Variants in CYS1 observed in about 807,000 individuals in gnomAD.
The protein encoded by CYS1 is cystin 1.
CYS1 carries 5 observed loss-of-function variants against 9.6 expected under a neutral mutation model. That is an observed-to-expected ratio of 0.52 (90% CI 0.27 to 1.10). The LOEUF (loss-of-function observed/expected upper bound fraction) is 1.10. CYS1 is among the 50% of genes least tolerant of loss of function. The pLI is 0.11. For synonymous variants in CYS1, 88 were observed against 95.7 expected (o/e 0.92, Z 0.47); for missense variants, 221 against 207.9 (o/e 1.06, Z -0.39).
At chr2:10,075,380 A>T (rs1049822062) in intron 1 of CYS1, among the ~76,000 whole-genome samples, 1 of 152,188 alleles carries the variant, frequency 6.6e-6, no homozygotes, top group Non-Finnish European at 1.5e-5. Flanking sequence ...CACGGTTATG[A>T]GCTTTTTGGG....
intron 2 of CYS1, among the ~76,000 whole-genome samples, chr2:10,065,517 A>C (rs1312276821): frequency 6.6e-6 from 1 of 152,222 alleles, no homozygotes; most frequent in East Asian, 1.9e-4. Flanking sequence ...GTGGAGCTGC[A>C]GGTGGGCCCG....
intron 2 of CYS1, among the ~76,000 whole-genome samples, chr2:10,062,007 G>A (rs1229391076): frequency 2.0e-5 from 3 of 151,760 alleles, no homozygotes; most frequent in African/African-American, 7.3e-5. Flanking sequence ...GACTCCTAAA[G>A]TCATGCTTTT....
rs1661580310 is a variant in CYS1 at position 10,058,451 on chromosome 2, A to G, written c.*402T>C. ...AGCGCGGGTGCACCTTCCACAGCAG[A>G]ACCTTCCGGAAGTGTTGTGGCGCGG... is the stretch of plus-strand genomic sequence containing the variant. On this transcript the variant is annotated 3_prime_UTR_variant, in exon 3 of 3. Transcript: ENST00000381813. 1.2e-5 allele frequency: 2 copies of G among 172,862 alleles called. No homozygotes were observed. The highest frequency in any genetic ancestry group is 1.2e-4 in the Admixed American group (2 of 16,852). 10.7% of individuals were successfully genotyped at this position (172,862 alleles called of 1,614,324 possible). A position where few individuals can be genotyped will look rare whatever the true frequency, so the allele number is the denominator to read the frequency against.
At chr2:10,059,417 C>T (rs763707697) in intron 2 of CYS1, among the ~76,000 whole-genome samples, 14 of 152,252 alleles carry the variant, frequency 9.2e-5, no homozygotes, top group Non-Finnish European at 1.9e-4. Flanking sequence ...GGAATCACGG[C>T]CAGGCGCAGT....
intron 1 of CYS1, among the ~76,000 whole-genome samples, chr2:10,068,967 C>T (rs1228493475): frequency 6.6e-6 from 1 of 151,918 alleles, no homozygotes; most frequent in African/African-American, 2.4e-5. Context: ...GAGGCTGAGG[C>T]AGGAGAATTG....
At chr2:10,075,309 A>T (rs1162557143) in intron 1 of CYS1, among the ~76,000 whole-genome samples, 3 of 152,236 alleles carry the variant, frequency 2.0e-5, no homozygotes, top group Non-Finnish European at 4.4e-5. Flanking sequence ...GCACTGGAGC[A>T]TGCCTTTACA....
intron 1 of CYS1, among the ~76,000 whole-genome samples, chr2:10,070,536 G>A (rs1386965642): frequency 2.0e-5 from 3 of 152,024 alleles, no homozygotes; most frequent in Non-Finnish European, 4.4e-5. Flanking sequence ...AGTAGAGGTG[G>A]GGTTTTGCCA....
intron 2 of CYS1, among the ~76,000 whole-genome samples, chr2:10,062,401 C>CTT (rs201124927): frequency 7.4e-5 from 11 of 147,758 alleles, no homozygotes; most frequent in African/African-American, 2.7e-4. Context: ...CTCTTTTTTT[C>CTT]TTTTTTTTTT....
intron 2 of CYS1, among the ~76,000 whole-genome samples, chr2:10,064,773 A>G (rs775942710): frequency 6.6e-6 from 1 of 151,876 alleles, no homozygotes; most frequent in Non-Finnish European, 1.5e-5. Context: ...GCTGGAGTGA[A>G]GTGGCGCGAT....
At chr2:10,069,343 G>GA (rs914795956) in intron 1 of CYS1, among the ~76,000 whole-genome samples, 3 of 151,920 alleles carry the variant, frequency 2.0e-5, no homozygotes, top group African/African-American at 4.8e-5. Flanking sequence ...CTTTCTGGAG[G>GA]AAAAAAAATT....
intron 2 of CYS1, among the ~76,000 whole-genome samples, chr2:10,059,451 C>T (rs550681176): frequency 1.4e-4 from 21 of 152,332 alleles, no homozygotes; most frequent in African/African-American, 5.1e-4. Context: ...AATCCTAGCA[C>T]TTTGGGAGGC....
At position 10,080,151 on chromosome 2, in the gene CYS1, G is replaced by A. The variant is rs1452653556; in HGVS notation, c.73C>T (p.Pro25Ser). 4.8e-6 allele frequency: 5 copies of A among 1,050,260 alleles called. No homozygotes were observed. The highest frequency in any genetic ancestry group is 4.6e-6 in the Non-Finnish European group (4 of 874,442). 65.1% of individuals were successfully genotyped at this position (1,050,260 alleles called of 1,614,324 possible). A position where few individuals can be genotyped will look rare whatever the true frequency, so the allele number is the denominator to read the frequency against. The change falls in exon 1 of 3, where the codon CCC (proline) becomes TCC (serine). Residue 25 changes from proline to serine, a missense_variant. Transcript: ENST00000381813. The surrounding 1 kb of genome is among the most constrained non-coding windows in gnomAD (Gnocchi z 6.4). ...CCGCCCTCCAGGGCTGCCGCTCCGG[G>A]CCCCGCGGGGAGGCTCTCGGGGCTG... ...RRSPESLPAGPGAAALEGGTR... is the reference protein window; with the variant it reads ...RRSPESLPAGSGAAALEGGTR...
chr2:10,080,308 G>T lies in CYS1; in HGVS notation c.-85C>A. On this transcript the variant is annotated 5_prime_UTR_variant, in exon 1 of 3. Transcript: ENST00000381813. The surrounding 1 kb of genome is among the most constrained non-coding windows in gnomAD (Gnocchi z 6.4). ...GCGGGGACGCTAGGGGGTGCGGCCG[G>T]GGCGGGCTGCAGGGGGAGGCGCGGG... 1.1e-6 allele frequency: 1 copy of T among 899,498 alleles called. No homozygotes were observed. Among genetic ancestry groups the T allele is most frequent in the South Asian group, 5.1e-5 (1 of 19,718 alleles). The allele number at this position is 899,498 out of a possible 1,614,324, so 55.7% of individuals were successfully genotyped here. A position where few individuals can be genotyped will look rare whatever the true frequency, so the allele number is the denominator to read the frequency against.
At chr2:10,068,552 G>A (rs1661723965) in intron 1 of CYS1, among the ~76,000 whole-genome samples, 1 of 152,276 alleles carries the variant, frequency 6.6e-6, no homozygotes, top group Admixed American at 6.5e-5. Context: ...CAGGTGATGA[G>A]AATTTAGGCT....
At chr2:10,070,938 C>T (rs1661758765) in intron 1 of CYS1, among the ~76,000 whole-genome samples, 1 of 152,022 alleles carries the variant, frequency 6.6e-6, no homozygotes, top group Non-Finnish European at 1.5e-5. Flanking sequence ...GGTGAGCCAC[C>T]ACGCCCAGCC....
intron 2 of CYS1, among the ~76,000 whole-genome samples, chr2:10,060,114 G>A (rs1041204490): frequency 9.2e-5 from 14 of 152,258 alleles, no homozygotes; most frequent in African/African-American, 2.9e-4. Context: ...ATGCTGCCTC[G>A]GAAGGGGGTG....
At chr2:10,073,454 A>C (rs1412614848) in intron 1 of CYS1, among the ~76,000 whole-genome samples, 3 of 152,206 alleles carry the variant, frequency 2.0e-5, no homozygotes. Context: ...CGATGTAAAT[A>C]AGAAGGTGGG....
Position 10,079,904 on chromosome 2 carries a change from ACCGCGCTCC to A in CYS1, c.311_318+1del. On this transcript the variant is annotated splice_donor_variant and coding_sequence_variant, in exon 1 of 3. Coordinates refer to ENST00000381813, the MANE Select transcript of CYS1 (RefSeq NM_001037160.3). LOFTEE classifies it high-confidence loss of function. The stretch of plus-strand genomic sequence containing the variant: ...CCGAGGCCCTGCGGCTCCCACACTC[ACCGCGCTCC>A]CCGCGACCGCGGTGGGTCGGAGCCG... 1.8e-6 allele frequency: 2 copies of A among 1,106,402 alleles called. No homozygotes were observed. Among genetic ancestry groups the A allele is most frequent in the Non-Finnish European group, 2.2e-6 (2 of 907,734 alleles). The allele number at this position is 1,106,402 out of a possible 1,614,324, so 68.5% of individuals were successfully genotyped here. A position where few individuals can be genotyped will look rare whatever the true frequency, so the allele number is the denominator to read the frequency against.
Position 10,063,087 on chromosome 2 carries a change from G to A in CYS1, c.371+2817C>T, listed in dbSNP as rs1330729636. ...CCTCCCGGGGGAAGGACCTGGCGTT[G>A]TCAGGATGGTCAGGACTGGGGTCAA... On this transcript the variant is annotated intron_variant, in intron 2 of 2. Coordinates refer to ENST00000381813, the MANE Select transcript of CYS1 (RefSeq NM_001037160.3). This position sits in a 1 kb window ranked among gnomAD's most constrained non-coding sequence, Gnocchi z 4.2. Among the ~76,000 whole-genome samples, 1 of 152,234 alleles carries A rather than the reference G, an allele frequency of 6.6e-6. No individual in the cohort carries two copies. Among genetic ancestry groups the A allele is most frequent in the African/African-American group, 2.4e-5 (1 of 41,458 alleles).
Sources: gnomAD v4.1 joint callset for allele counts (sites outside exome capture counted in the v4.1 genomes callset) on GRCh38, gnomAD v4.1.1 for gene constraint, Gnocchi (gnomAD v3.1) non-coding constraint, MANE v1.5 for transcripts, NCBI Gene and HGNC (gene_info 2026-07-23, HGNC 2026-07-21) for gene names.